VPS13B: variants seen among roughly 807,000 people sequenced by gnomAD.
VPS13B encodes intermembrane lipid transfer protein VPS13B.
Under a neutral mutation model 426.4 loss-of-function variants are expected in VPS13B, and 285 were observed. That is an observed-to-expected ratio of 0.67 (90% CI 0.61 to 0.74). The LOEUF (loss-of-function observed/expected upper bound fraction) is 0.74, where lower values mean the gene tolerates loss of function less well. VPS13B is among the 30% of genes least tolerant of loss of function. The probability of loss-of-function intolerance (pLI) is 0.00; values close to 1 mark genes in which losing one functional copy is unlikely to be tolerated. For synonymous variants in VPS13B, 1,676 were observed against 1,676.4 expected, an observed-to-expected ratio of 1.00 and a Z score of 0.01; for missense variants, 4,537 against 4,782.6, an observed-to-expected ratio of 0.95 and a Z score of 1.51.
chr8:99,142,241 T>G (rs540116158), intron 12 of VPS13B, among the ~76,000 whole-genome samples: 2 of 152,338 alleles, frequency 1.3e-5, no homozygotes, highest in African/African-American at 4.8e-5. Flanking sequence ...TATTAAATCC[T>G]GGAAAATTCT....
chr8:99,507,273 A>G (rs1821552349), intron 28 of VPS13B, 70 bp downstream of exon 28: 4 of 1,468,580 alleles, frequency 2.7e-6, no homozygotes, highest in East Asian at 4.5e-5. Context: ...ATTTCATAAA[A>G]TAGGACTAAT....
chr8:99,073,618 C>A (rs140299962), intron 3 of VPS13B, among the ~76,000 whole-genome samples: 1 of 146,510 alleles, frequency 6.8e-6, no homozygotes, highest in Non-Finnish European at 1.5e-5. Context: ...TTCTGGCAGT[C>A]TAGGTTTTTC....
intron 17 of VPS13B, among the ~76,000 whole-genome samples, chr8:99,246,605 C>T (rs889097681): frequency 3.3e-5 from 5 of 152,080 alleles, no homozygotes; most frequent in South Asian, 4.1e-4. Context: ...CGGTGGCTCA[C>T]GCCTGTAATC....
intron 3 of VPS13B, among the ~76,000 whole-genome samples, chr8:99,083,322 T>C (rs1488638183): frequency 1.3e-5 from 2 of 152,240 alleles, no homozygotes; most frequent in Non-Finnish European, 2.9e-5. Flanking sequence ...CCTGAGACTT[T>C]GCTGAAGTTG....
At chr8:99,641,319 G>A (rs1829348807) in intron 33 of VPS13B, among the ~76,000 whole-genome samples, 3 of 152,100 alleles carry the variant, frequency 2.0e-5, no homozygotes, top group Admixed American at 2.0e-4. Context: ...TAGGACTACT[G>A]ATTTTTCCCT....
At chr8:99,068,271 A>G (rs1030653308) in intron 3 of VPS13B, among the ~76,000 whole-genome samples, 7 of 152,050 alleles carry the variant, frequency 4.6e-5, no homozygotes, top group Admixed American at 2.0e-4. Flanking sequence ...TAGCTGTTTT[A>G]TAGATTTTCT....
intron 19 of VPS13B, among the ~76,000 whole-genome samples, chr8:99,292,255 C>T (rs867457554): frequency 6.6e-6 from 1 of 152,132 alleles, no homozygotes; most frequent in Admixed American, 6.6e-5. Context: ...CTTAACACAA[C>T]TGTTGATGCA....
chr8:99,761,381 C>G (rs1380693978), intron 39 of VPS13B, among the ~76,000 whole-genome samples: 2 of 152,198 alleles, frequency 1.3e-5, no homozygotes, highest in Admixed American at 1.3e-4. Context: ...CCCAGAATTC[C>G]TCCTTCCCTA....
chr8:99,404,640 C>T (rs1167463356), intron 21 of VPS13B, among the ~76,000 whole-genome samples: 1 of 152,166 alleles, frequency 6.6e-6, no homozygotes, highest in African/African-American at 2.4e-5. Flanking sequence ...GTCACTTTCT[C>T]TTCAAGTTAT....
At chr8:99,319,243 A>G (rs1367577357) in intron 19 of VPS13B, among the ~76,000 whole-genome samples, 2 of 152,192 alleles carry the variant, frequency 1.3e-5, no homozygotes, top group African/African-American at 2.4e-5. Flanking sequence ...TATGTGTTGC[A>G]TATTGGCAAT....
chr8:99,410,045 G>T (rs1326893414), intron 21 of VPS13B, among the ~76,000 whole-genome samples: 1 of 152,092 alleles, frequency 6.6e-6, no homozygotes, highest in Non-Finnish European at 1.5e-5. Flanking sequence ...GAATACTTGG[G>T]TGACAGGTGC....
intron 44 of VPS13B, among the ~76,000 whole-genome samples, chr8:99,812,377 C>T (rs955324742): frequency 6.6e-6 from 1 of 152,136 alleles, no homozygotes; most frequent in Non-Finnish European, 1.5e-5. Flanking sequence ...TTGTCTCCCT[C>T]ACATCTTGGC....
intron 54 of VPS13B, among the ~76,000 whole-genome samples, chr8:99,848,498 G>T (rs966671598): frequency 6.6e-6 from 1 of 152,118 alleles, no homozygotes; most frequent in African/African-American, 2.4e-5. Flanking sequence ...AGAGTTACTT[G>T]CCAGTTCCAA....
chr8:99,252,959 A>G (rs752968588), intron 17 of VPS13B, among the ~76,000 whole-genome samples: 1 of 152,116 alleles, frequency 6.6e-6, no homozygotes, highest in Non-Finnish European at 1.5e-5. Context: ...TCTCCCCAGA[A>G]GAAACCCCAT....
At chr8:99,825,837 C>A (rs1268158219) in intron 51 of VPS13B, among the ~76,000 whole-genome samples, 2 of 152,174 alleles carry the variant, frequency 1.3e-5, no homozygotes, top group African/African-American at 4.8e-5. Context: ...ATCCTTTCCT[C>A]ATTGCTTGTT....
intron 44 of VPS13B, among the ~76,000 whole-genome samples, chr8:99,816,382 G>C (rs971565277): frequency 6.6e-6 from 1 of 152,080 alleles, no homozygotes; most frequent in Non-Finnish European, 1.5e-5. Context: ...GATTACAGGC[G>C]TGAACCACCG....
intron 13 of VPS13B, among the ~76,000 whole-genome samples, chr8:99,145,456 C>T (rs928337562): frequency 6.6e-6 from 1 of 152,116 alleles, no homozygotes; most frequent in African/African-American, 2.4e-5. Context: ...ACTTCCCTAC[C>T]ATGTTCCTTT....
chr8:99,394,555 G>T (rs1394354310), intron 21 of VPS13B, among the ~76,000 whole-genome samples: 2 of 152,096 alleles, frequency 1.3e-5, no homozygotes, highest in African/African-American at 4.8e-5. Context: ...TATTATCACA[G>T]AATTCTAAAT....
chr8:99,067,468 G>A (rs1844594394), intron 3 of VPS13B, among the ~76,000 whole-genome samples: 1 of 152,104 alleles, frequency 6.6e-6, no homozygotes, highest in Non-Finnish European at 1.5e-5. Context: ...ACAGGGCGGG[G>A]AACATCACAC....
Sources: allele counts gnomAD v4.1 joint callset (sites outside exome capture counted in the v4.1 genomes callset), GRCh38; gene constraint gnomAD v4.1.1; transcripts MANE v1.5; gene names NCBI Gene and HGNC (gene_info 2026-07-23, HGNC 2026-07-21).